The following TAFA5 variants were observed in gnomAD, a reference collection of about 807,000 sequenced individuals.
TAFA5 encodes the protein chemokine-like protein TAFA-5.
In TAFA5, 6 loss-of-function variants were observed where a neutral mutation model predicts 15.3. The observed-to-expected ratio is 0.39, with a 90% CI of 0.21 to 0.77. The LOEUF is 0.77. TAFA5 is among the 30% of genes least tolerant of loss of function. The pLI is 0.41. For synonymous variants in TAFA5, 103 were observed against 80.7 expected (o/e 1.28, Z -1.48); for missense variants, 161 against 193.1 (o/e 0.83, Z 0.98).
At chr22:48,668,982 C>T (rs1383977504) in intron 2 of TAFA5, among the ~76,000 whole-genome samples, 1 of 152,210 alleles carries the variant, frequency 6.6e-6, no homozygotes, top group Non-Finnish European at 1.5e-5. Context: ...AAATCCTCAC[C>T]CTCGAGGTGA....
chr22:48,570,942 A>G (rs1020972077), intron 1 of TAFA5, among the ~76,000 whole-genome samples: 18 of 152,184 alleles, frequency 1.2e-4, no homozygotes, highest in African/African-American at 4.3e-4. Context: ...TATTCTTCAC[A>G]GTTTTTCTAC....
intron 2 of TAFA5, among the ~76,000 whole-genome samples, chr22:48,668,435 A>G (rs184771130): frequency 1.3e-3 from 15 of 11,226 alleles, no homozygotes; most frequent in Admixed American, 3.5e-3. Context: ...GGGAGCTGTA[A>G]TCCCCCAGCA....
chr22:48,646,723 G>C lies in TAFA5; in HGVS notation c.239G>C (p.Arg80Thr). 3 of 1,587,634 alleles carry C rather than the reference G, an allele frequency of 1.9e-6. No homozygotes were observed. Among genetic ancestry groups the C allele is most frequent in the Non-Finnish European group, 2.6e-6 (3 of 1,170,082 alleles). Reference sequence around the variant, plus strand: ...AAGGGGCAGATCGCCGGCACCACGAGAGCCCGGCCCGCCTGTGTGGACGGT... The same window carrying C: ...AAGGGGCAGATCGCCGGCACCACGACAGCCCGGCCCGCCTGTGTGGACGGT... ...CRKGQIAGTT[R>T]ARPACVDARI... The change falls in exon 2 of 4, where the codon AGA becomes ACA. Residue 80 changes from arginine to threonine, a missense_variant. By Grantham distance (71) the Arg-to-Thr change is moderately conservative (BLOSUM62 -1). Coordinates refer to ENST00000402357, the MANE Select transcript of TAFA5 (RefSeq NM_001082967.3).
intron 1 of TAFA5, among the ~76,000 whole-genome samples, chr22:48,512,812 A>G (rs2147102393): frequency 6.6e-6 from 1 of 151,488 alleles, no homozygotes; most frequent in East Asian, 2.0e-4. Flanking sequence ...AGTCCCAGCT[A>G]CTTGGGAGGC....
chr22:48,616,979 G>A lies in TAFA5; in HGVS notation c.113-29618G>A, dbSNP rs142530929. 4.4e-3 allele frequency among the ~76,000 whole-genome samples: 665 copies of A among 152,270 alleles called. 1 individual carries two copies. The highest frequency in any genetic ancestry group is 0.014 in the African/African-American group (588 of 41,546). Reference sequence around the variant, plus strand: ...TCATCCATGGTGAGTTCATTGTTGGGCGAGAAACAAAACCAGGGCTGGGCT... The same window carrying A: ...TCATCCATGGTGAGTTCATTGTTGGACGAGAAACAAAACCAGGGCTGGGCT... On this transcript the variant is annotated intron_variant, in intron 1 of 3. Coordinates refer to ENST00000402357, the MANE Select transcript of TAFA5 (RefSeq NM_001082967.3).
chr22:48,727,048 C>G (rs1313226042), intron 3 of TAFA5, among the ~76,000 whole-genome samples: 1 of 152,132 alleles, frequency 6.6e-6, no homozygotes, highest in Non-Finnish European at 1.5e-5. Flanking sequence ...ATCATACCAC[C>G]TACATACCTT....
At chr22:48,584,765 CCACACACAT>C (rs1209791322) in intron 1 of TAFA5, among the ~76,000 whole-genome samples, 3 of 150,284 alleles carry the variant, frequency 2.0e-5, no homozygotes, top group South Asian at 2.1e-4. Context: ...ACACAACACA[CCACACACAT>C]CACACACGCT....
Position 48,549,838 on chromosome 22 carries a change from G to A in TAFA5, c.112+60134G>A, listed in dbSNP as rs77491306. 7.2e-3 allele frequency among the ~76,000 whole-genome samples: 1,094 copies of A among 152,314 alleles called. 15 individuals are homozygous for A. Among genetic ancestry groups the A allele is most frequent in the African/African-American group, 0.025 (1,033 of 41,566 alleles). ...CTGCCCAGGTCTGAGGACTAAGTTC[G>A]GAGATGGATGAACAGGCAAAGTCCC... is the stretch of plus-strand genomic sequence containing the variant. On this transcript the variant is annotated intron_variant, in intron 1 of 3. Transcript: ENST00000402357.
At chr22:48,504,493 G>T (rs1333310638) in intron 1 of TAFA5, among the ~76,000 whole-genome samples, 2 of 152,010 alleles carry the variant, frequency 1.3e-5, no homozygotes, top group Non-Finnish European at 2.9e-5. Flanking sequence ...TTCCTCCTGG[G>T]CAGTTGGGCT....
At chr22:48,704,091 C>T (rs1034469541) in intron 2 of TAFA5, among the ~76,000 whole-genome samples, 7 of 152,112 alleles carry the variant, frequency 4.6e-5, no homozygotes, top group East Asian at 1.9e-4. Context: ...CGCCATGGTA[C>T]GGGGTGGATG....
chr22:48,690,059 G>T (rs1303060247), intron 2 of TAFA5, among the ~76,000 whole-genome samples: 2 of 152,230 alleles, frequency 1.3e-5, no homozygotes, highest in African/African-American at 4.8e-5. Context: ...TGGGGTCAGT[G>T]GATGTGGAGA....
In TAFA5 at chr22:48,650,616, C is replaced by G. The variant is rs544124284; in HGVS notation, c.262+3870C>G. On this transcript the variant is annotated intron_variant, in intron 2 of 3. Coordinates refer to ENST00000402357, the MANE Select transcript of TAFA5 (RefSeq NM_001082967.3). ...AGAGGAATTCTAGCCTCCAGCCTCC[C>G]CGGCCTTGTCTCTGAGCTAAAGCAT... 1.8e-3 allele frequency among the ~76,000 whole-genome samples: 272 copies of G among 152,318 alleles called. 1 individual carries two copies. Among genetic ancestry groups the G allele is most frequent in the Middle Eastern group, 3.4e-3 (1 of 294 alleles).
chr22:48,491,649 C>T (rs1162913496), intron 1 of TAFA5, among the ~76,000 whole-genome samples: 2 of 152,282 alleles, frequency 1.3e-5, no homozygotes, highest in Non-Finnish European at 2.9e-5. Flanking sequence ...AGACACGCAG[C>T]GTCAGCCCTC....
At chr22:48,697,105 G>T (rs1480728512) in intron 2 of TAFA5, among the ~76,000 whole-genome samples, 1 of 152,240 alleles carries the variant, frequency 6.6e-6, no homozygotes, top group Non-Finnish European at 1.5e-5. Flanking sequence ...TACTGGGGAG[G>T]ATCCAAGAAG....
chr22:48,543,383 A>T (rs1339357461), intron 1 of TAFA5: 2 of 152,084 alleles, frequency 1.3e-5, no homozygotes, highest in East Asian at 3.9e-4. Context: ...AGGGGAGGTG[A>T]CCTTTCCGGC....
intron 2 of TAFA5, among the ~76,000 whole-genome samples, chr22:48,669,716 G>C (rs879260973): frequency 2.0e-5 from 3 of 152,170 alleles, no homozygotes; most frequent in Non-Finnish European, 2.9e-5. Context: ...AGGGGCCATG[G>C]GAGGAGCCCC....
intron 3 of TAFA5, among the ~76,000 whole-genome samples, chr22:48,714,421 G>T (rs545074935): frequency 2.0e-5 from 3 of 152,182 alleles, no homozygotes; most frequent in African/African-American, 7.2e-5. Flanking sequence ...TCCTCCCAGC[G>T]CTGTAGAGGT....
chr22:48,736,130 C>G (rs1930013670), intron 3 of TAFA5, among the ~76,000 whole-genome samples: 1 of 82,216 alleles, frequency 1.2e-5, no homozygotes, highest in African/African-American at 5.9e-5. Context: ...TCCATCCCCC[C>G]AGGAGGAATG....
chr22:48,556,164 C>G (rs1224974851), intron 1 of TAFA5, among the ~76,000 whole-genome samples: 1 of 152,194 alleles, frequency 6.6e-6, no homozygotes, highest in African/African-American at 2.4e-5. Context: ...GAGGGCATCA[C>G]AGGCAGAGGA....
Sources: gnomAD v4.1 joint callset for allele counts (sites outside exome capture counted in the v4.1 genomes callset) on GRCh38, gnomAD v4.1.1 for gene constraint, MANE v1.5 for transcripts, NCBI Gene and HGNC (gene_info 2026-07-23, HGNC 2026-07-21) for gene names.